The following MAP3K4 variants were observed in gnomAD, a reference collection of about 807,000 sequenced individuals.
The protein encoded by MAP3K4 is mitogen-activated protein kinase kinase kinase 4, also known as MAP three kinase 1.
A neutral mutation model predicts 185.6 loss-of-function variants in MAP3K4; 67 were observed. The ratio of observed to expected loss-of-function variants is 0.36; its 90% CI spans 0.30 to 0.44. MAP3K4 has a LOEUF of 0.44. Ranked by LOEUF, MAP3K4 falls within the 20% of genes least tolerant of loss-of-function variation. The probability of loss-of-function intolerance (pLI) is 1.00; values close to 1 mark genes in which losing one functional copy is unlikely to be tolerated. For missense variants in MAP3K4, 1,551 were observed against 1,995.1 expected (o/e 0.78, Z 4.24); for synonymous variants, 702 against 710.4 (o/e 0.99, Z 0.19).
Position 161,087,560 on chromosome 6 carries a change from C to A in MAP3K4, c.2557-128C>A. ...AAGCCGGCTACCTGCAGTTCCCTCA[C>A]TGCTCCAATTCATGCCCTTCCCACT... On this transcript the variant is annotated intron_variant, in intron 9 of 26. Coordinates refer to ENST00000392142, the MANE Select transcript of MAP3K4 (RefSeq NM_005922.4). The surrounding 1 kb of genome is among the most constrained non-coding windows in gnomAD (Gnocchi z 4.9). 1.1e-6 allele frequency: 1 copy of A among 907,714 alleles called. No homozygotes were observed. The allele number at this position is 907,714 out of a possible 1,614,324, so 56.2% of individuals were successfully genotyped here. A position where few individuals can be genotyped will look rare whatever the true frequency, so the allele number is the denominator to read the frequency against.
chr6:161,078,758 A>G (rs1468031152), intron 5 of MAP3K4, among the ~76,000 whole-genome samples: 1 of 152,196 alleles, frequency 6.6e-6, no homozygotes, highest in Non-Finnish European at 1.5e-5. Flanking sequence ...AGGGTGGCCG[A>G]GCCCGAGATG....
At chr6:160,997,745 C>T (rs1231909776) in intron 1 of MAP3K4, among the ~76,000 whole-genome samples, 1 of 152,212 alleles carries the variant, frequency 6.6e-6, no homozygotes, top group Non-Finnish European at 1.5e-5. Flanking sequence ...CCTCTCTTGA[C>T]TCAAACTACA....
chr6:160,992,279 C>A (rs1299210674), intron 1 of MAP3K4, 196 bp downstream of exon 1: 7 of 701,168 alleles, frequency 1.0e-5, no homozygotes, highest in African/African-American at 7.7e-5. Context: ...CGACTCCTCC[C>A]GGGGTTGCAG....
intron 1 of MAP3K4, among the ~76,000 whole-genome samples, chr6:161,010,192 T>C (rs752080676): frequency 1.3e-5 from 2 of 152,208 alleles, no homozygotes; most frequent in African/African-American, 2.4e-5. Flanking sequence ...ATCATAGGTA[T>C]TCCATTTATC....
Position 161,048,866 on chromosome 6 carries a change from T to G in MAP3K4, c.594T>G (p.Leu198=), listed in dbSNP as rs142756068. 1.4e-4 allele frequency: 229 copies of G among 1,614,186 alleles called. No individual in the cohort carries two copies. The African/African-American group carries it at 2.7e-3, about 19-fold the overall frequency. The change falls in exon 3 of 27, where the codon CTT becomes CTG. Residue 198 remains leucine, a synonymous_variant. Coordinates refer to ENST00000392142, the MANE Select transcript of MAP3K4 (RefSeq NM_005922.4). The surrounding 1 kb of genome is among the most constrained non-coding windows in gnomAD (Gnocchi z 4.7). ...GCCTTGGCTGTAGCAATGCTAAGCT[T>G]CCAGTATCTGTGCCCATGCCTATAG... is the stretch of plus-strand genomic sequence containing the variant. ...YLSLGCSNAK[L]PVSVPMPIAR...
In MAP3K4 at chr6:161,115,099, A is replaced by C. The variant is rs1376635651; in HGVS notation, c.4627-24A>C. The C allele has an allele frequency of 6.3e-7, 1 of 1,588,554 alleles. No homozygotes were observed. Among genetic ancestry groups the C allele is most frequent in the Admixed American group, 1.8e-5 (1 of 56,848 alleles). On this transcript the variant is annotated intron_variant, in intron 25 of 26. Transcript: ENST00000392142. The surrounding 1 kb of genome is among the most constrained non-coding windows in gnomAD (Gnocchi z 6.0). ...TGTGGCTGTGTAATATTAAAATCTG[A>C]TTTTTTAAAAACATCTTTTTTAGAG...
rs1349127413 is a variant in MAP3K4, at chr6:161,076,486, A to G, written c.2097+2874A>G. Among the ~76,000 whole-genome samples the G allele has an allele frequency of 6.6e-6, 1 of 152,226 alleles. No homozygotes were observed. The highest frequency in any genetic ancestry group is 1.5e-5 in the Non-Finnish European group (1 of 68,048). On this transcript the variant is annotated intron_variant, in intron 5 of 26. Coordinates refer to ENST00000392142, the MANE Select transcript of MAP3K4 (RefSeq NM_005922.4). The surrounding 1 kb of genome is among the most constrained non-coding windows in gnomAD (Gnocchi z 4.2). ...CTGAGACACTTAAGCATGTAGGTCAAAGGAAGTAACTTGGTGAGCATTTGG... is the reference window on the plus strand; with the variant it reads ...CTGAGACACTTAAGCATGTAGGTCAGAGGAAGTAACTTGGTGAGCATTTGG...
chr6:161,021,138 A>T (rs968775645), intron 1 of MAP3K4, among the ~76,000 whole-genome samples: 3 of 152,186 alleles, frequency 2.0e-5, no homozygotes, highest in African/African-American at 7.2e-5. Flanking sequence ...ATGTTGGGTC[A>T]TGTTTTATTA....
At chr6:160,998,007 C>T (rs986839612) in intron 1 of MAP3K4, among the ~76,000 whole-genome samples, 10 of 152,086 alleles carry the variant, frequency 6.6e-5, no homozygotes, top group Admixed American at 3.3e-4. Context: ...TGAAAGAGGT[C>T]TATGGCCAGT....
Position 161,034,226 on chromosome 6 carries a change from C to T in MAP3K4, c.153-33C>T. 2.0e-6 allele frequency: 3 copies of T among 1,530,106 alleles called. No individual in the cohort carries two copies. The highest frequency in any genetic ancestry group is 2.4e-5 in the South Asian group (2 of 81,866). 94.8% of individuals were successfully genotyped at this position (1,530,106 alleles called of 1,614,324 possible). A position where few individuals can be genotyped will look rare whatever the true frequency, so the allele number is the denominator to read the frequency against. On this transcript the variant is annotated intron_variant, in intron 1 of 26. Coordinates refer to ENST00000392142, the MANE Select transcript of MAP3K4 (RefSeq NM_005922.4). The surrounding 1 kb of genome is among the most constrained non-coding windows in gnomAD (Gnocchi z 4.4). ...AATTTGAATTCACTTAACTGTGTTG[C>T]TGAATATTTTCCCTGCACACTGTCT... is the stretch of plus-strand genomic sequence containing the variant.
chr6:161,050,524 C>G (rs779804848), intron 3 of MAP3K4, among the ~76,000 whole-genome samples: 18 of 152,086 alleles, frequency 1.2e-4, no homozygotes, highest in Non-Finnish European at 2.5e-4. Flanking sequence ...TTAAAGTGTT[C>G]GGTGCAGGTG....
At chr6:160,995,407 G>A (rs1260319568) in intron 1 of MAP3K4, among the ~76,000 whole-genome samples, 1 of 152,246 alleles carries the variant, frequency 6.6e-6, no homozygotes, top group African/African-American at 2.4e-5. Context: ...CAGGCCTTTT[G>A]TAGAATTCAG....
Position 161,084,450 on chromosome 6 carries a change from T to C in MAP3K4, c.2256-51T>C. Reference sequence around the variant, plus strand: ...AGTTTCTCAGTCAAGAATTAGGCTATGAGTAGGGACAGTTTTCTTCTCTGT... The same window carrying C: ...AGTTTCTCAGTCAAGAATTAGGCTACGAGTAGGGACAGTTTTCTTCTCTGT... On this transcript the variant is annotated intron_variant, in intron 6 of 26. Transcript: ENST00000392142. This position sits in a 1 kb window ranked among gnomAD's most constrained non-coding sequence, Gnocchi z 4.6. 1.1e-6 allele frequency: 1 copy of C among 872,338 alleles called. No homozygotes were observed. Among genetic ancestry groups the C allele is most frequent in the Non-Finnish European group, 2.0e-6 (1 of 509,480 alleles). The allele number at this position is 872,338 out of a possible 1,614,324, so 54.0% of individuals were successfully genotyped here.
chr6:160,995,528 A>T (rs1780947798), intron 1 of MAP3K4, among the ~76,000 whole-genome samples: 1 of 152,220 alleles, frequency 6.6e-6, no homozygotes, highest in South Asian at 2.1e-4. Context: ...CAAGAGTGTT[A>T]TGCAGTGACC....
In MAP3K4 at chr6:161,097,317, T is replaced by G. The variant is rs1777617566; in HGVS notation, c.3524+141T>G. The G allele has an allele frequency of 1.6e-6, 1 of 628,124 alleles. No homozygotes were observed. The highest frequency in any genetic ancestry group is 3.0e-5 in the Admixed American group (1 of 33,798). 38.9% of individuals were successfully genotyped at this position (628,124 alleles called of 1,614,324 possible). Reference sequence around the variant, plus strand: ...CGTACGTAAAAGCTCTTACTTGCATTATCTTGAAACCTTTAGTCGCAAAAG... The same window carrying G: ...CGTACGTAAAAGCTCTTACTTGCATGATCTTGAAACCTTTAGTCGCAAAAG... On this transcript the variant is annotated intron_variant, in intron 16 of 26. Transcript: ENST00000392142. This position sits in a 1 kb window ranked among gnomAD's most constrained non-coding sequence, Gnocchi z 4.9.
Position 161,045,699 on chromosome 6 carries a change from T to C in MAP3K4, c.344-2917T>C, listed in dbSNP as rs191039981. Among the ~76,000 whole-genome samples, 333 of 152,294 alleles carry C rather than the reference T, an allele frequency of 2.2e-3. 1 individual carries two copies. The highest frequency in any genetic ancestry group is 4.0e-3 in the Non-Finnish European group (272 of 68,010). On this transcript the variant is annotated intron_variant, in intron 2 of 26. Coordinates refer to ENST00000392142, the MANE Select transcript of MAP3K4 (RefSeq NM_005922.4). ...AATAAATTATATAAGAAAAGTAATA[T>C]TTTTTCACTCTCAACTATTACTTTC...
At chr6:161,052,805 T>C (rs1784064675) in intron 3 of MAP3K4, among the ~76,000 whole-genome samples, 1 of 152,098 alleles carries the variant, frequency 6.6e-6, no homozygotes, top group Admixed American at 6.5e-5. Flanking sequence ...TTTAGTCGTT[T>C]TATTTGGTAT....
In MAP3K4 at chr6:161,115,089, T is replaced by G; in HGVS notation, c.4627-34T>G. The G allele has an allele frequency of 6.3e-7, 1 of 1,575,940 alleles. No homozygotes were observed. Among genetic ancestry groups the G allele is most frequent in the Non-Finnish European group, 8.7e-7 (1 of 1,152,122 alleles). Reference sequence around the variant, plus strand: ...TTGCGTTGTTTGTGGCTGTGTAATATTAAAATCTGATTTTTTAAAAACATC... The same window carrying G: ...TTGCGTTGTTTGTGGCTGTGTAATAGTAAAATCTGATTTTTTAAAAACATC... On this transcript the variant is annotated intron_variant, in intron 25 of 26. Coordinates refer to ENST00000392142, the MANE Select transcript of MAP3K4 (RefSeq NM_005922.4). The surrounding 1 kb of genome is among the most constrained non-coding windows in gnomAD (Gnocchi z 6.0).
At chr6:160,992,205 G>A in intron 1 of MAP3K4, 122 bp downstream of exon 1, 1 of 1,331,440 alleles carries the variant, frequency 7.5e-7, no homozygotes, top group Non-Finnish European at 9.7e-7. Flanking sequence ...AGTCTCTGCA[G>A]GCTGGGGCGG....
Sources: allele counts gnomAD v4.1 joint callset (sites outside exome capture counted in the v4.1 genomes callset), GRCh38; gene constraint gnomAD v4.1.1; non-coding constraint Gnocchi (gnomAD v3.1); transcripts MANE v1.5; gene names NCBI Gene and HGNC (gene_info 2026-07-23, HGNC 2026-07-21).